SORL1: variants seen among roughly 807,000 people sequenced by gnomAD.
SORL1 encodes sortilin-related receptor.
SORL1 carries 127 observed loss-of-function variants against 273.7 expected under a neutral mutation model. The ratio of observed to expected loss-of-function variants is 0.46; its 90% CI spans 0.40 to 0.54. The LOEUF is 0.54. SORL1 is among the 20% of genes least tolerant of loss of function. The pLI is 0.00. For missense variants in SORL1, 2,494 were observed against 2,846.1 expected (o/e 0.88, Z 2.81); for synonymous variants, 1,031 against 1,067.4 (o/e 0.97, Z 0.66).
intron 2 of SORL1, among the ~76,000 whole-genome samples, chr11:121,473,306 G>T (rs1318167613): frequency 6.6e-6 from 1 of 152,212 alleles, no homozygotes; most frequent in East Asian, 1.9e-4. Context: ...AAAAGGGATG[G>T]CTCTGGAAGC....
chr11:121,623,996 A>G (rs11218362), intron 45 of SORL1, among the ~76,000 whole-genome samples: 1,869 of 152,352 alleles, frequency 0.012, 16 homozygotes, highest in Non-Finnish European at 0.018. Flanking sequence ...CACATCTTAC[A>G]TGGCGGCAGA....
chr11:121,628,384 A>G (rs914605428), intron 47 of SORL1, among the ~76,000 whole-genome samples: 3 of 152,284 alleles, frequency 2.0e-5, no homozygotes, highest in Middle Eastern at 6.8e-3. Flanking sequence ...TTAGATTCTC[A>G]TAGGGAGCGC....
chr11:121,605,575 A>T lies in SORL1; in HGVS notation c.4948+4A>T. On this transcript the variant is annotated splice_donor_region_variant and intron_variant, in intron 35 of 47. Transcript: ENST00000260197. Reference sequence around the variant, plus strand: ...ACCCTGAGGACCCCAGAGGGATGTAAGTGTTTCAGTTAATTTTTATGGCAT... The same window carrying T: ...ACCCTGAGGACCCCAGAGGGATGTATGTGTTTCAGTTAATTTTTATGGCAT... 6.2e-7 allele frequency: 1 copy of T among 1,608,896 alleles called. No homozygotes were observed. The highest frequency in any genetic ancestry group is 8.5e-7 in the Non-Finnish European group (1 of 1,175,898).
At chr11:121,467,035 T>C (rs1591546000) in intron 1 of SORL1, among the ~76,000 whole-genome samples, 1 of 146,010 alleles carries the variant, frequency 6.8e-6, no homozygotes, top group Non-Finnish European at 1.5e-5. Context: ...TTTTTCTTTT[T>C]TTTTTTTTTT....
At chr11:121,585,004 T>C (rs1863073187) in intron 26 of SORL1, among the ~76,000 whole-genome samples, 1 of 152,236 alleles carries the variant, frequency 6.6e-6, no homozygotes, top group Non-Finnish European at 1.5e-5. Flanking sequence ...TAATTTCCCC[T>C]GGAACTGTTG....
chr11:121,597,725 GCT>G (rs1180884292), intron 32 of SORL1, among the ~76,000 whole-genome samples: 11 of 152,196 alleles, frequency 7.2e-5, no homozygotes, highest in African/African-American at 2.7e-4. Context: ...CTCCCAAAGT[GCT>G]GGGATTACAG....
intron 4 of SORL1, among the ~76,000 whole-genome samples, chr11:121,489,841 G>T (rs1193199452): frequency 6.6e-6 from 1 of 152,226 alleles, no homozygotes; most frequent in Non-Finnish European, 1.5e-5. Context: ...AGTTGCTATT[G>T]AGAGAACACA....
intron 1 of SORL1, among the ~76,000 whole-genome samples, chr11:121,457,386 C>T (rs1225244282): frequency 1.3e-5 from 2 of 152,202 alleles, no homozygotes; most frequent in Non-Finnish European, 2.9e-5. Context: ...GAGCTCCTTT[C>T]CGGGTGGCAT....
chr11:121,484,391 A>G (rs935639149), intron 3 of SORL1, among the ~76,000 whole-genome samples: 12 of 152,230 alleles, frequency 7.9e-5, no homozygotes, highest in Non-Finnish European at 1.3e-4. Flanking sequence ...TTTAGTCTCT[A>G]GTGAAGACGT....
intron 16 of SORL1, among the ~76,000 whole-genome samples, chr11:121,551,354 T>C (rs999078272): frequency 1.3e-5 from 2 of 152,200 alleles, no homozygotes; most frequent in Non-Finnish European, 2.9e-5. Flanking sequence ...TTATGCATGC[T>C]AATTAAGAAA....
At position 121,559,501 on chromosome 11, in the gene SORL1, C is replaced by T. The variant is rs1363670911; in HGVS notation, c.2911-18C>T. 6.2e-7 allele frequency: 1 copy of T among 1,610,306 alleles called. No individual in the cohort carries two copies. The highest frequency in any genetic ancestry group is 8.5e-7 in the Non-Finnish European group (1 of 1,178,588). ...AGAACGAAAGAGCTGGACTAATGGG[C>T]AAAGGTTTTCTTTTTAGAATGAAAT... On this transcript the variant is annotated intron_variant, in intron 20 of 47. Transcript: ENST00000260197.
intron 14 of SORL1, among the ~76,000 whole-genome samples, chr11:121,548,910 T>C (rs1335745767): frequency 6.6e-6 from 1 of 152,218 alleles, no homozygotes; most frequent in Non-Finnish European, 1.5e-5. Flanking sequence ...TGTGTTCTGG[T>C]AGAGCACATG....
chr11:121,500,563 A>T, intron 6 of SORL1, among the ~76,000 whole-genome samples: 1 of 152,334 alleles, frequency 6.6e-6, no homozygotes, highest in Non-Finnish European at 1.5e-5. Flanking sequence ...GTAGAGTTGC[A>T]TAGGTACCTA....
intron 7 of SORL1, among the ~76,000 whole-genome samples, chr11:121,513,622 G>GCTGC (rs1861910727): frequency 6.6e-6 from 1 of 152,200 alleles, no homozygotes; most frequent in Non-Finnish European, 1.5e-5. Context: ...CATTAGAGGA[G>GCTGC]CTGCCACAGG....
chr11:121,530,061 T>A (rs1387886138), intron 11 of SORL1, among the ~76,000 whole-genome samples: 2 of 152,304 alleles, frequency 1.3e-5, no homozygotes, highest in African/African-American at 4.8e-5. Flanking sequence ...AACGTAAAAT[T>A]TAGAACCCTT....
intron 1 of SORL1, among the ~76,000 whole-genome samples, chr11:121,454,266 C>T (rs1457037410): frequency 6.6e-6 from 1 of 152,252 alleles, no homozygotes; most frequent in African/African-American, 2.4e-5. Context: ...AATCAGCATT[C>T]TGGGAACTGG....
At chr11:121,598,616 A>G (rs1421942864) in intron 32 of SORL1, among the ~76,000 whole-genome samples, 1 of 152,320 alleles carries the variant, frequency 6.6e-6, no homozygotes, top group South Asian at 2.1e-4. Flanking sequence ...GCCTGTTGCA[A>G]TGAGTCTTTG....
At chr11:121,469,769 A>G (rs1284113324) in intron 1 of SORL1, among the ~76,000 whole-genome samples, 1 of 152,246 alleles carries the variant, frequency 6.6e-6, no homozygotes, top group East Asian at 1.9e-4. Flanking sequence ...TGAGAGCCCA[A>G]GAAGCTTTTC....
At chr11:121,489,696 A>G (rs1861523911) in intron 4 of SORL1, among the ~76,000 whole-genome samples, 1 of 152,222 alleles carries the variant, frequency 6.6e-6, no homozygotes, top group Non-Finnish European at 1.5e-5. Flanking sequence ...GTTTTTAAGG[A>G]CACTGTTTCT....
Sources: allele counts gnomAD v4.1 joint callset (sites outside exome capture counted in the v4.1 genomes callset), GRCh38; gene constraint gnomAD v4.1.1; transcripts MANE v1.5; gene names NCBI Gene and HGNC (gene_info 2026-07-23, HGNC 2026-07-21).